Variants in CACNA1I observed in about 807,000 individuals in gnomAD.
The protein encoded by CACNA1I is voltage-dependent T-type calcium channel subunit alpha-1I.
In CACNA1I, 74 loss-of-function variants were observed where a neutral mutation model predicts 201.6. The observed-to-expected ratio is 0.37, with a 90% CI of 0.30 to 0.45. The LOEUF is 0.45. CACNA1I is among the 20% of genes least tolerant of loss of function. CACNA1I has a pLI of 1.00. For missense variants in CACNA1I, 2,346 were observed against 3,138.1 expected, an observed-to-expected ratio of 0.75 and a Z score of 6.03; for synonymous variants, 1,431 against 1,345.2, an observed-to-expected ratio of 1.06 and a Z score of -1.40.
chr22:39,600,602 G>T lies in CACNA1I; in HGVS notation c.431G>T (p.Cys144Phe), dbSNP rs1267137840. 6.2e-7 allele frequency: 1 copy of T among 1,610,868 alleles called. No individual in the cohort carries two copies. The highest frequency in any genetic ancestry group is 1.3e-5 in the African/African-American group (1 of 74,790). ...GCCCTGGGGATTTTTGGCAAGAAGT[G>T]CTACCTCGGGGACACATGGAACCGC... ...MVALGIFGKK[C>F]YLGDTWNRLD... The change falls in exon 3 of 37, where the codon TGC becomes TTC. Residue 144 changes from cysteine to phenylalanine, a missense_variant. Transcript: ENST00000402142.
At chr22:39,586,310 A>G (rs556124807) in intron 1 of CACNA1I, among the ~76,000 whole-genome samples, 10 of 151,682 alleles carry the variant, frequency 6.6e-5, no homozygotes, top group Admixed American at 6.6e-4. Flanking sequence ...GCCAACATAT[A>G]ATGAAACCCC....
intron 3 of CACNA1I, among the ~76,000 whole-genome samples, chr22:39,601,316 G>A (rs376496521): frequency 2.0e-5 from 3 of 152,238 alleles, no homozygotes; most frequent in Non-Finnish European, 2.9e-5. Context: ...CTCCTGTCTC[G>A]GGGAGGCACC....
intron 26 of CACNA1I, among the ~76,000 whole-genome samples, 158 bp from the exon 27 acceptor site, chr22:39,672,041 A>G (rs1473020631): frequency 6.6e-6 from 1 of 152,230 alleles, no homozygotes; most frequent in Non-Finnish European, 1.5e-5. Flanking sequence ...AATAAATAGT[A>G]CACACTAAGA....
At chr22:39,632,506 C>T (rs113453058) in intron 4 of CACNA1I, among the ~76,000 whole-genome samples, 4,447 of 152,196 alleles carry the variant, frequency 0.029, 225 homozygotes, top group African/African-American at 0.1. Flanking sequence ...GGAGCGGCCC[C>T]ACTCCCCAGA....
At chr22:39,656,405 G>C (rs1314128809) in intron 10 of CACNA1I, 1 of 518,946 alleles carries the variant, frequency 1.9e-6, no homozygotes, top group Non-Finnish European at 3.8e-6. Flanking sequence ...TTAGCTTTTA[G>C]GTCTCTGCTG....
In CACNA1I at chr22:39,658,143, G is replaced by A. The variant is rs1011060723; in HGVS notation, c.1993-9G>A. ...CCGGGTCTCCATTCCCCACCCCAAT[G>A]CCCCACAGCCGGAGGAGCTGACCAA... On this transcript the variant is annotated splice_polypyrimidine_tract_variant and intron_variant, in intron 10 of 36. Coordinates refer to ENST00000402142, the MANE Select transcript of CACNA1I (RefSeq NM_021096.4). 2 of 1,613,562 alleles carry A rather than the reference G, an allele frequency of 1.2e-6. No individual in the cohort carries two copies. The highest frequency in any genetic ancestry group is 1.7e-5 in the Admixed American group (1 of 60,006).
At chr22:39,658,834 GTC>G (rs1225098528) in intron 11 of CACNA1I, 95 bp from the exon 12 acceptor site, 3 of 1,031,416 alleles carry the variant, frequency 2.9e-6, no homozygotes, top group South Asian at 1.5e-5. Flanking sequence ...TGGAAGCTCT[GTC>G]TCTCTGTTTT....
In CACNA1I at chr22:39,661,984, A is replaced by G; in HGVS notation, c.2921A>G (p.Tyr974Cys). The G allele has an allele frequency of 6.4e-7, 1 of 1,553,672 alleles. No individual in the cohort carries two copies. The highest frequency in any genetic ancestry group is 8.7e-7 in the Non-Finnish European group (1 of 1,155,122). The change falls in exon 17 of 37, where the codon TAC becomes TGC. Residue 974 changes from tyrosine (Y) to cysteine (C), a missense_variant. Tyr to Cys is a radical substitution (Grantham distance 194, BLOSUM62 -2). Coordinates refer to ENST00000402142, the MANE Select transcript of CACNA1I (RefSeq NM_021096.4). ...TTCCAGTCCAGCTCCCGGAGCTCCT[A>G]CTACGGGCCATGGGGCCGCAGCGCG... ...QRSLSSSRSS[Y>C]YGPWGRSAAW...
chr22:39,605,818 G>T (rs573260534), intron 3 of CACNA1I, among the ~76,000 whole-genome samples: 1 of 152,082 alleles, frequency 6.6e-6, no homozygotes, highest in Non-Finnish European at 1.5e-5. Context: ...CAGCGGGGAA[G>T]CATGCAGGAG....
intron 1 of CACNA1I, among the ~76,000 whole-genome samples, chr22:39,581,409 G>A (rs1037189424): frequency 6.6e-6 from 1 of 152,182 alleles, no homozygotes; most frequent in Non-Finnish European, 1.5e-5. Flanking sequence ...GACTGCGAGG[G>A]GAGGCACCGG....
chr22:39,685,396 G>A lies in CACNA1I; in HGVS notation c.6028-365G>A, dbSNP rs1273373438. On this transcript the variant is annotated intron_variant, in intron 36 of 36. Transcript: ENST00000402142. The surrounding 1 kb of genome is among the most constrained non-coding windows in gnomAD (Gnocchi z 5.0). Reference sequence around the variant, plus strand: ...AAGTGGGAGGGACCGGAACCAGTGGGAGCAGCCAAGGCTGGGGCCGCGTCA... The same window carrying A: ...AAGTGGGAGGGACCGGAACCAGTGGAAGCAGCCAAGGCTGGGGCCGCGTCA... Among the ~76,000 whole-genome samples, 2 of 148,324 alleles carry A rather than the reference G, an allele frequency of 1.3e-5. No homozygotes were observed. Among genetic ancestry groups the A allele is most frequent in the Non-Finnish European group, 3.0e-5 (2 of 66,912 alleles).
chr22:39,571,254 T>C (rs1932173964), intron 1 of CACNA1I: 1 of 527,668 alleles, frequency 1.9e-6, no homozygotes, highest in South Asian at 2.0e-5. Context: ...GCTCAGAAAG[T>C]CCTTGAGTGT....
chr22:39,674,046 C>T lies in CACNA1I; in HGVS notation c.4854+13C>T, dbSNP rs1431608134. The T allele has an allele frequency of 6.2e-7, 1 of 1,612,224 alleles. No individual in the cohort carries two copies. The highest frequency in any genetic ancestry group is 1.3e-5 in the African/African-American group (1 of 74,902). On this transcript the variant is annotated intron_variant, in intron 29 of 36. Transcript: ENST00000402142. ...AGCTTTGCCCCAGGTAAGAGCCACT[C>T]TTTCTGGCAGCCCTCCTAGGGGTCA...
intron 1 of CACNA1I, among the ~76,000 whole-genome samples, chr22:39,572,123 C>G (rs1237036146): frequency 6.6e-6 from 1 of 151,972 alleles, no homozygotes; most frequent in African/African-American, 2.4e-5. Flanking sequence ...TTGGAGGCTG[C>G]ATGAGGGATG....
At chr22:39,588,606 C>T (rs1407272532) in intron 1 of CACNA1I, among the ~76,000 whole-genome samples, 3 of 151,538 alleles carry the variant, frequency 2.0e-5, no homozygotes, top group South Asian at 2.1e-4. Context: ...AAGATGGTCT[C>T]GATCTCCTGA....
intron 3 of CACNA1I, among the ~76,000 whole-genome samples, chr22:39,608,848 T>G (rs1238923756): frequency 6.6e-6 from 1 of 151,684 alleles, no homozygotes; most frequent in Non-Finnish European, 1.5e-5. Flanking sequence ...AAAAAAAAAT[T>G]TATTGTACCC....
intron 16 of CACNA1I, 72 bp downstream of exon 16, chr22:39,661,382 T>G: frequency 2.6e-6 from 3 of 1,157,754 alleles, no homozygotes; most frequent in Non-Finnish European, 3.5e-6. Flanking sequence ...TGAAGAGAGG[T>G]ACCTGCCAGT....
intron 1 of CACNA1I, 29 bp downstream of exon 1, chr22:39,571,017 GC>G (rs1932164931): frequency 6.3e-7 from 1 of 1,575,326 alleles, no homozygotes; most frequent in African/African-American, 1.3e-5. Flanking sequence ...GCTGATCGGG[GC>G]CCTGCAGGGG....
chr22:39,644,026 G>A (rs147477116), intron 7 of CACNA1I, among the ~76,000 whole-genome samples: 101 of 152,328 alleles, frequency 6.6e-4, no homozygotes, highest in African/African-American at 2.0e-3. Flanking sequence ...GAAGGCTCCC[G>A]ATCCAGCCTG....
Sources: allele counts gnomAD v4.1 joint callset (sites outside exome capture counted in the v4.1 genomes callset), GRCh38; gene constraint gnomAD v4.1.1; non-coding constraint Gnocchi (gnomAD v3.1); transcripts MANE v1.5; gene names NCBI Gene and HGNC (gene_info 2026-07-23, HGNC 2026-07-21).